The following TACC2 variants were observed in gnomAD, a reference collection of about 807,000 sequenced individuals.
TACC2 encodes transforming acidic coiled-coil-containing protein 2.
Under a neutral mutation model 227.3 loss-of-function variants are expected in TACC2, and 137 were observed. The observed-to-expected ratio is 0.60, with a 90% CI of 0.52 to 0.69. The LOEUF is 0.69. Among genes scored for constraint, TACC2 ranks in the 30% least tolerant of loss-of-function variants. The probability of loss-of-function intolerance (pLI) is 0.00; values close to 1 mark genes in which losing one functional copy is unlikely to be tolerated. For missense variants in TACC2, 3,470 were observed against 3,694.4 expected, an observed-to-expected ratio of 0.94 and a Z score of 1.57; for synonymous variants, 1,523 against 1,487.5, an observed-to-expected ratio of 1.02 and a Z score of -0.55.
At position 122,210,965 on chromosome 10, in the gene TACC2, G is replaced by A. The variant is rs370832508; in HGVS notation, c.6540G>A (p.Thr2180=). The change falls in exon 9 of 23, where the codon ACG becomes ACA. Residue 2180 remains threonine, a synonymous_variant. Coordinates refer to ENST00000369005, the MANE Select transcript of TACC2 (RefSeq NM_206862.4). The surrounding 1 kb of genome is among the most constrained non-coding windows in gnomAD (Gnocchi z 4.6). ...ASETKTESAK[T]EGPSPALLEE... ...AGACGAAAACGGAATCTGCCAAGAC[G>A]GAAGGTCCTAGCCCAGCCTTATTGG... 39 of 1,613,976 alleles carry A rather than the reference G, an allele frequency of 2.4e-5. No homozygotes were observed. The East Asian group carries it at 6.9e-4, about 29-fold the overall frequency.
chr10:122,066,268 C>T (rs1287307983), intron 3 of TACC2, among the ~76,000 whole-genome samples: 1 of 147,710 alleles, frequency 6.8e-6, no homozygotes, highest in Non-Finnish European at 1.5e-5. Context: ...CCACCATGCC[C>T]AGCTATTTTT....
intron 8 of TACC2, among the ~76,000 whole-genome samples, chr10:122,196,584 CTG>C (rs1336994990): frequency 2.6e-5 from 4 of 152,162 alleles, no homozygotes; most frequent in Non-Finnish European, 4.4e-5. Flanking sequence ...GCATATAAAA[CTG>C]TATTTCTCGT....
chr10:122,097,897 C>G (rs1403266038), intron 5 of TACC2, among the ~76,000 whole-genome samples: 17 of 152,120 alleles, frequency 1.1e-4, no homozygotes, highest in Admixed American at 1.1e-3. Flanking sequence ...GCTCAGCAGC[C>G]ACCCAGCAAA....
chr10:122,054,302 G>A (rs2076009492), intron 3 of TACC2, among the ~76,000 whole-genome samples: 1 of 152,184 alleles, frequency 6.6e-6, no homozygotes, highest in Non-Finnish European at 1.5e-5. Flanking sequence ...TCCCTGCACA[G>A]GCCCCTGGGT....
intron 11 of TACC2, among the ~76,000 whole-genome samples, chr10:122,217,985 C>T (rs942698260): frequency 6.6e-6 from 1 of 151,580 alleles, no homozygotes; most frequent in Non-Finnish European, 1.5e-5. Flanking sequence ...CACTCTGTCG[C>T]CCAGGCTGGA....
Position 122,150,218 on chromosome 10 carries a change from T to C in TACC2, c.5834+6512T>C, listed in dbSNP as rs2091894412. Among the ~76,000 whole-genome samples the C allele has an allele frequency of 6.6e-6, 1 of 152,198 alleles. No individual in the cohort carries two copies. The highest frequency in any genetic ancestry group is 2.4e-5 in the African/African-American group (1 of 41,452). On this transcript the variant is annotated intron_variant, in intron 7 of 22. Coordinates refer to ENST00000369005, the MANE Select transcript of TACC2 (RefSeq NM_206862.4). The surrounding 1 kb of genome is among the most constrained non-coding windows in gnomAD (Gnocchi z 4.0). ...TGCAAAGCTTCAGCTTGTGACGCCA[T>C]CTGGGCGGCAGTCCCACGGCCCCTA... is the stretch of plus-strand genomic sequence containing the variant.
At chr10:122,029,636 C>A (rs1175863449) in intron 2 of TACC2, among the ~76,000 whole-genome samples, 1 of 152,142 alleles carries the variant, frequency 6.6e-6, no homozygotes, top group Non-Finnish European at 1.5e-5. Flanking sequence ...ACGAATGTGC[C>A]TGCTGGCTGG....
At chr10:122,170,034 A>C (rs2140038120) in intron 7 of TACC2, among the ~76,000 whole-genome samples, 1 of 152,302 alleles carries the variant, frequency 6.6e-6, no homozygotes, top group South Asian at 2.1e-4. Context: ...TACAGGCATG[A>C]GCCTCTGTGC....
chr10:122,048,881 T>G (rs942528353), intron 2 of TACC2, among the ~76,000 whole-genome samples: 1 of 152,208 alleles, frequency 6.6e-6, no homozygotes, highest in Non-Finnish European at 1.5e-5. Context: ...TATAAGATGT[T>G]AAACTGTGGT....
chr10:122,226,583 C>G (rs2095633279), intron 13 of TACC2, 102 bp downstream of exon 13: 2 of 795,626 alleles, frequency 2.5e-6, no homozygotes, highest in African/African-American at 1.8e-5. Context: ...TGCATAGATT[C>G]AGGCGGCTGA....
intron 5 of TACC2, among the ~76,000 whole-genome samples, chr10:122,102,098 C>T (rs1436758223): frequency 2.6e-5 from 4 of 152,036 alleles, no homozygotes; most frequent in Admixed American, 1.3e-4. Context: ...TGACGCTTCA[C>T]CCGTCGGTTT....
intron 16 of TACC2, among the ~76,000 whole-genome samples, chr10:122,232,654 G>A (rs1163681700): frequency 3.3e-5 from 5 of 152,202 alleles, no homozygotes; most frequent in Admixed American, 2.6e-4. Flanking sequence ...GTTAAAAAGT[G>A]CATTACCTGG....
At chr10:122,184,229 G>A (rs1486033731) in intron 7 of TACC2, among the ~76,000 whole-genome samples, 2 of 152,148 alleles carry the variant, frequency 1.3e-5, no homozygotes, top group African/African-American at 4.8e-5. Context: ...ATCAGCCTCC[G>A]ATGCAGAATG....
At chr10:122,036,746 G>T (rs1960546659) in intron 2 of TACC2, among the ~76,000 whole-genome samples, 1 of 152,106 alleles carries the variant, frequency 6.6e-6, no homozygotes, top group African/African-American at 2.4e-5. Context: ...ATGAATATGG[G>T]TGTCCACGTA....
chr10:122,091,436 C>A (rs576687420), intron 5 of TACC2, among the ~76,000 whole-genome samples: 1 of 152,194 alleles, frequency 6.6e-6, no homozygotes, highest in Admixed American at 6.5e-5. Context: ...CTTTTGAATA[C>A]CTGGGTCACA....
At chr10:122,175,868 AC>A (rs1319367343) in intron 7 of TACC2, among the ~76,000 whole-genome samples, 1 of 152,148 alleles carries the variant, frequency 6.6e-6, no homozygotes, top group Non-Finnish European at 1.5e-5. Flanking sequence ...GGAGTTAGAG[AC>A]CAGCCTGTGC....
intron 19 of TACC2, among the ~76,000 whole-genome samples, chr10:122,243,209 G>T (rs2096042786): frequency 1.3e-5 from 2 of 152,218 alleles, no homozygotes; most frequent in Non-Finnish European, 2.9e-5. Flanking sequence ...CTCCCAAGGT[G>T]CTGGGATTGC....
rs778549690 is a variant in TACC2 at position 122,211,484 on chromosome 10, C to T, written c.7059C>T (p.Thr2353=). 1.9e-6 allele frequency: 3 copies of T among 1,613,776 alleles called. No individual in the cohort carries two copies. Among genetic ancestry groups the T allele is most frequent in the African/African-American group, 1.3e-5 (1 of 74,960 alleles). ...DDPNFNPFSS[T]SKMQESPKLP... ...CCAATTTTAACCCTTTTTCTTCCAC[C>T]TCAAAAATGCAGGAGTCTCCCAAAC... The change falls in exon 9 of 23, where the codon ACC becomes ACT. Residue 2353 remains threonine, a synonymous_variant. Coordinates refer to ENST00000369005, the MANE Select transcript of TACC2 (RefSeq NM_206862.4).
chr10:122,044,810 C>T (rs937070561), intron 2 of TACC2, among the ~76,000 whole-genome samples: 1 of 151,698 alleles, frequency 6.6e-6, no homozygotes, highest in African/African-American at 2.4e-5. Flanking sequence ...TGTTCCAGAG[C>T]CAACGAAAGA....
Sources: gnomAD v4.1 joint callset for allele counts (sites outside exome capture counted in the v4.1 genomes callset) on GRCh38, gnomAD v4.1.1 for gene constraint, Gnocchi (gnomAD v3.1) non-coding constraint, MANE v1.5 for transcripts, NCBI Gene and HGNC (gene_info 2026-07-23, HGNC 2026-07-21) for gene names.